ZNF831: variants seen among roughly 807,000 people sequenced by gnomAD.
The protein encoded by ZNF831 is chromosome 20 open reading frame 174.
ZNF831 carries 59 observed loss-of-function variants against 95.8 expected under a neutral mutation model. The ratio of observed to expected loss-of-function variants is 0.62; its 90% CI spans 0.50 to 0.77. The LOEUF is 0.77. Among genes scored for constraint, ZNF831 ranks in the 30% least tolerant of loss-of-function variants. The pLI is 0.00. For missense variants in ZNF831, 2,205 were observed against 2,164.0 expected (o/e 1.02, Z -0.38); for synonymous variants, 961 against 925.5 (o/e 1.04, Z -0.70).
chr20:59,150,926 T>G (rs1198642684), intron 2 of ZNF831, among the ~76,000 whole-genome samples: 2 of 152,204 alleles, frequency 1.3e-5, no homozygotes, highest in African/African-American at 4.8e-5. Flanking sequence ...AGCTTGGAAG[T>G]TCTCCTTGCA....
intron 1 of ZNF831, among the ~76,000 whole-genome samples, chr20:59,144,923 G>C (rs1463098296): frequency 6.6e-6 from 1 of 152,162 alleles, no homozygotes; most frequent in Non-Finnish European, 1.5e-5. Flanking sequence ...GGCAGGGAGG[G>C]CCTGTGAATT....
chr20:59,196,170 G>A (rs964225940), intron 3 of ZNF831, among the ~76,000 whole-genome samples, 165 bp downstream of exon 3: 12 of 152,150 alleles, frequency 7.9e-5, no homozygotes, highest in Non-Finnish European at 1.5e-4. Flanking sequence ...GCAACTCACC[G>A]CCTGTGTATT....
Position 59,254,164 on chromosome 20 carries a change from C to A in ZNF831, c.4455C>A (p.Asp1485Glu). Residue 1485 changes from aspartate (D) to glutamate (E), a missense_variant, in exon 6 of 6, where the codon GAC becomes GAA. Coordinates refer to ENST00000371030, the MANE Select transcript of ZNF831 (RefSeq NM_178457.3). The surrounding 1 kb of genome is among the most constrained non-coding windows in gnomAD (Gnocchi z 4.5). ...FGSKGTFPHH[D>E]IATSVAAVCI... ...CCAAAGGAACTTTTCCCCACCATGA[C>A]ATTGCTACCTCTGTGGCTGCCGTTT... 1 of 1,614,132 alleles carries A rather than the reference C, an allele frequency of 6.2e-7. No homozygotes were observed. The highest frequency in any genetic ancestry group is 8.5e-7 in the Non-Finnish European group (1 of 1,180,026).
At position 59,192,120 on chromosome 20, in the gene ZNF831, G is replaced by A. The variant is rs1367564688; in HGVS notation, c.1101G>A (p.Ser367=). ...HAPCSPLHSL[S]EHSAESEGEG... ...CCTGCAGCCCCCTGCACAGCCTTTC[G>A]GAGCACAGCGCCGAGTCCGAGGGGG... is the stretch of plus-strand genomic sequence containing the variant. Residue 367 remains serine, a synonymous_variant, in exon 2 of 6, where the codon TCG becomes TCA. Transcript: ENST00000371030. The surrounding 1 kb of genome is among the most constrained non-coding windows in gnomAD (Gnocchi z 5.2). 6.3e-7 allele frequency: 1 copy of A among 1,577,620 alleles called. No homozygotes were observed. Among genetic ancestry groups the A allele is most frequent in the Non-Finnish European group, 8.6e-7 (1 of 1,167,552 alleles).
chr20:59,137,229 T>A (rs77168628), intron 1 of ZNF831, among the ~76,000 whole-genome samples: 12,735 of 152,166 alleles, frequency 0.084, 678 homozygotes, highest in Non-Finnish European at 0.11. Flanking sequence ...AAATCCAGAT[T>A]TTTTAGAAGT....
chr20:59,161,811 A>G (rs1412920858), upstream of ZNF831, among the ~76,000 whole-genome samples: 1 of 152,180 alleles, frequency 6.6e-6, no homozygotes, highest in Non-Finnish European at 1.5e-5. Context: ...TGGTAGTTCT[A>G]CTTTTAGTCC....
At chr20:59,216,675 C>T (rs1223175328) in intron 4 of ZNF831, among the ~76,000 whole-genome samples, 1 of 151,984 alleles carries the variant, frequency 6.6e-6, no homozygotes, top group Non-Finnish European at 1.5e-5. Context: ...GGATGGAATG[C>T]GTGATAGACA....
chr20:59,153,741 A>G (rs1359592636), intron 2 of ZNF831, among the ~76,000 whole-genome samples: 2 of 152,236 alleles, frequency 1.3e-5, no homozygotes, highest in Non-Finnish European at 2.9e-5. Flanking sequence ...GCTACTTTGT[A>G]CTGTAGCAAA....
rs1377955084 is a variant in ZNF831, at chr20:59,217,434, C to G, written c.4027+10378C>G. ...TCCTTGGACACACTGTTTATATCTC[C>G]TTAGCCCAGGCAGGGTTTGCTCTAG... On this transcript the variant is annotated intron_variant, in intron 4 of 5. Transcript: ENST00000371030. The surrounding 1 kb of genome is among the most constrained non-coding windows in gnomAD (Gnocchi z 4.4). Among the ~76,000 whole-genome samples the G allele has an allele frequency of 6.6e-6, 1 of 152,212 alleles. No homozygotes were observed. Among genetic ancestry groups the G allele is most frequent in the Non-Finnish European group, 1.5e-5 (1 of 68,038 alleles).
chr20:59,185,186 T>A (rs1048916551), intron 1 of ZNF831, among the ~76,000 whole-genome samples: 1 of 152,030 alleles, frequency 6.6e-6, no homozygotes, highest in African/African-American at 2.4e-5. Flanking sequence ...TGATTCAGAG[T>A]GAGCAAAATT....
At chr20:59,130,483 C>T (rs561222482) in intron 1 of ZNF831, among the ~76,000 whole-genome samples, 4 of 152,258 alleles carry the variant, frequency 2.6e-5, no homozygotes, top group Non-Finnish European at 5.9e-5. Flanking sequence ...ATTGCTGGGG[C>T]GAGGCCCAGA....
rs1267059250 is a variant in ZNF831, at chr20:59,217,713, G to A, written c.4027+10657G>A. Among the ~76,000 whole-genome samples the A allele has an allele frequency of 3.3e-5, 5 of 152,080 alleles. No homozygotes were observed. Among genetic ancestry groups the A allele is most frequent in the African/African-American group, 7.3e-5 (3 of 41,378 alleles). On this transcript the variant is annotated intron_variant, in intron 4 of 5. Transcript: ENST00000371030. This position sits in a 1 kb window ranked among gnomAD's most constrained non-coding sequence, Gnocchi z 4.4. ...TAGGGGTCTGTTATCCATTCTGTCC[G>A]TGGAAGGCTGGCATTCTCTAGTAGA... is the stretch of plus-strand genomic sequence containing the variant.
intron 2 of ZNF831, among the ~76,000 whole-genome samples, chr20:59,156,716 A>G (rs1160409603): frequency 2.0e-5 from 3 of 152,110 alleles, no homozygotes; most frequent in South Asian, 2.1e-4. Context: ...CTCCGCTTCT[A>G]TAAGTTTGAC....
Position 59,254,899 on chromosome 20 carries a change from C to A in ZNF831, c.*156C>A. 9.6e-7 allele frequency: 1 copy of A among 1,038,816 alleles called. No homozygotes were observed. Among genetic ancestry groups the A allele is most frequent in the Non-Finnish European group, 1.4e-6 (1 of 729,598 alleles). 64.3% of individuals were successfully genotyped at this position (1,038,816 alleles called of 1,614,324 possible). On this transcript the variant is annotated 3_prime_UTR_variant, in exon 6 of 6. Coordinates refer to ENST00000371030, the MANE Select transcript of ZNF831 (RefSeq NM_178457.3). This position sits in a 1 kb window ranked among gnomAD's most constrained non-coding sequence, Gnocchi z 4.5. ...TTTACAAGCCAACTCCAACCAACTT[C>A]TGACCCCCAACTCAGCCGCAGCGTT...
chr20:59,141,283 A>G (rs1179730327), intron 1 of ZNF831, among the ~76,000 whole-genome samples: 1 of 152,114 alleles, frequency 6.6e-6, no homozygotes, highest in African/African-American at 2.4e-5. Flanking sequence ...TAAGAAGTCT[A>G]CTTTGATCTT....
At chr20:59,206,104 C>T (rs1000415334) in intron 3 of ZNF831, among the ~76,000 whole-genome samples, 4 of 151,900 alleles carry the variant, frequency 2.6e-5, no homozygotes, top group African/African-American at 4.8e-5. Flanking sequence ...GTAAATACTT[C>T]GTGTTGAAGA....
At chr20:59,194,788 G>T in intron 2 of ZNF831, 31 bp downstream of exon 2, 1 of 1,525,870 alleles carries the variant, frequency 6.6e-7, no homozygotes, top group East Asian at 2.3e-5. Flanking sequence ...AGGGCCCGGG[G>T]TTGAGAGAGC....
chr20:59,227,024 A>G (rs1283167641), intron 4 of ZNF831, among the ~76,000 whole-genome samples: 3 of 152,158 alleles, frequency 2.0e-5, no homozygotes, highest in African/African-American at 7.2e-5. Flanking sequence ...TTACTTTTTA[A>G]ATCAGTCTTT....
Position 59,255,012 on chromosome 20 carries a change from C to T in ZNF831, c.*269C>T. ...CAAGGAAGCAAACTCTGCAAATGGTCAACGTGCACAGTGACTGGGCCTTGA... is the reference window on the plus strand; with the variant it reads ...CAAGGAAGCAAACTCTGCAAATGGTTAACGTGCACAGTGACTGGGCCTTGA... On this transcript the variant is annotated 3_prime_UTR_variant, in exon 6 of 6. Coordinates refer to ENST00000371030, the MANE Select transcript of ZNF831 (RefSeq NM_178457.3). 2.7e-6 allele frequency: 1 copy of T among 369,800 alleles called. No homozygotes were observed. The highest frequency in any genetic ancestry group is 5.1e-5 in the East Asian group (1 of 19,614). 22.9% of individuals were successfully genotyped at this position (369,800 alleles called of 1,614,324 possible).
Sources: gnomAD v4.1 joint callset for allele counts (sites outside exome capture counted in the v4.1 genomes callset) on GRCh38, gnomAD v4.1.1 for gene constraint, Gnocchi (gnomAD v3.1) non-coding constraint, MANE v1.5 for transcripts, NCBI Gene and HGNC (gene_info 2026-07-23, HGNC 2026-07-21) for gene names.